UPK2: variants seen among roughly 807,000 people sequenced by gnomAD.
UPK2 encodes the protein uroplakin 2.
UPK2 carries 19 observed loss-of-function variants against 14.8 expected under a neutral mutation model. That is an observed-to-expected ratio of 1.29 (90% CI 0.90 to 1.89). UPK2 has a LOEUF of 1.89. Among genes scored for constraint, UPK2 ranks in the 40% most tolerant of loss-of-function variants. The probability of loss-of-function intolerance (pLI) is 0.00; values close to 1 mark genes in which losing one functional copy is unlikely to be tolerated. For synonymous variants in UPK2, 102 were observed against 101.6 expected, an observed-to-expected ratio of 1.00 and a Z score of -0.02; for missense variants, 232 against 236.0, an observed-to-expected ratio of 0.98 and a Z score of 0.11.
chr11:118,956,869 C>T lies in UPK2; in HGVS notation c.77-14C>T. On this transcript the variant is annotated splice_polypyrimidine_tract_variant and intron_variant, in intron 1 of 4. Transcript: ENST00000264031. The surrounding 1 kb of genome is among the most constrained non-coding windows in gnomAD (Gnocchi z 4.1). The stretch of plus-strand genomic sequence containing the variant: ...GGTCAGTCCCCATCGGAGCTCCCTC[C>T]TGCCTCCCATCAGACTTCAACATCT... The T allele has an allele frequency of 6.2e-7, 1 of 1,613,816 alleles. No homozygotes were observed. The highest frequency in any genetic ancestry group is 8.5e-7 in the Non-Finnish European group (1 of 1,179,924).
rs755718818 is a variant in UPK2 at position 118,956,441 on chromosome 11, T to C, written c.76+15T>C. ...AGGGGCTGCAGGTCTCTTCCATCTC[T>C]GGCAGGGGTGGGAAGGGGGCTGGGG... On this transcript the variant is annotated intron_variant, in intron 1 of 4. Coordinates refer to ENST00000264031, the MANE Select transcript of UPK2 (RefSeq NM_006760.4). The surrounding 1 kb of genome is among the most constrained non-coding windows in gnomAD (Gnocchi z 4.1). 6.5e-7 allele frequency: 1 copy of C among 1,546,480 alleles called. No individual in the cohort carries two copies. The highest frequency in any genetic ancestry group is 1.1e-5 in the South Asian group (1 of 89,816).
chr11:118,956,950 GC>G lies in UPK2; in HGVS notation c.150del (p.Cys51ValfsTer10), dbSNP rs750952264. The G allele has an allele frequency of 1.4e-5, 22 of 1,613,938 alleles. No homozygotes were observed. Among genetic ancestry groups the G allele is most frequent in the Middle Eastern group, 1.6e-4 (1 of 6,084 alleles). ...TAACGGAGAGCCTGCTGGTTGCCTT[GC>G]CCCCCTGTCACCTCACAGGAGGCAA... ...ALTESLLVALPPCHLTGGNAT... is the reference protein window; with the variant it reads ...ALTESLLVALXPCHLTGGNAT... On this transcript the variant is annotated frameshift_variant, in exon 2 of 5. Coordinates refer to ENST00000264031, the MANE Select transcript of UPK2 (RefSeq NM_006760.4). LOFTEE classifies it high-confidence loss of function. The surrounding 1 kb of genome is among the most constrained non-coding windows in gnomAD (Gnocchi z 4.1).
At chr11:118,957,035 G>T in intron 2 of UPK2, 21 bp downstream of exon 2, 1 of 1,613,492 alleles carries the variant, frequency 6.2e-7, no homozygotes, top group Non-Finnish European at 8.5e-7. Context: ...TTCTCCCAAG[G>T]CATCCCTCTA....
rs1941562300 is a variant in UPK2, at chr11:118,956,369, A to C, written c.19A>C (p.Ile7Leu). The change falls in exon 1 of 5, where the codon ATC becomes CTC. Residue 7 changes from isoleucine (I) to leucine (L), a missense_variant. Coordinates refer to ENST00000264031, the MANE Select transcript of UPK2 (RefSeq NM_006760.4). This position sits in a 1 kb window ranked among gnomAD's most constrained non-coding sequence, Gnocchi z 4.1. MAPLLP[I>L]RTLPLILILL... ...GCCCAGCATGGCACCCCTGCTGCCC[A>C]TCCGGACCTTGCCCTTGATCCTGAT... The C allele has an allele frequency of 6.2e-7, 1 of 1,611,608 alleles. No homozygotes were observed. Among genetic ancestry groups the C allele is most frequent in the African/African-American group, 1.3e-5 (1 of 75,004 alleles).
chr11:118,957,107 T>C, intron 2 of UPK2, 93 bp downstream of exon 2: 1 of 1,605,618 alleles, frequency 6.2e-7, no homozygotes, highest in Non-Finnish European at 8.5e-7. Context: ...TGCCTTCCTG[T>C]CCACCCGTCT....
rs774399174 is a variant in UPK2, at chr11:118,956,851, C to A, written c.77-32C>A. ...GATCTGTTGGCCAGGAGGGGTCAGTCCCCATCGGAGCTCCCTCCTGCCTCC... is the reference window on the plus strand; with the variant it reads ...GATCTGTTGGCCAGGAGGGGTCAGTACCCATCGGAGCTCCCTCCTGCCTCC... On this transcript the variant is annotated intron_variant, in intron 1 of 4. Coordinates refer to ENST00000264031, the MANE Select transcript of UPK2 (RefSeq NM_006760.4). This position sits in a 1 kb window ranked among gnomAD's most constrained non-coding sequence, Gnocchi z 4.1. 12 of 1,612,786 alleles carry A rather than the reference C, an allele frequency of 7.4e-6. No individual in the cohort carries two copies. The highest frequency in any genetic ancestry group is 1.0e-5 in the Non-Finnish European group (12 of 1,179,474).
Position 118,958,353 on chromosome 11 carries a change from G to A in UPK2, c.*120G>A. The A allele has an allele frequency of 8.4e-7, 1 of 1,197,336 alleles. No homozygotes were observed. Among genetic ancestry groups the A allele is most frequent in the Non-Finnish European group, 1.1e-6 (1 of 874,648 alleles). 74.2% of individuals were successfully genotyped at this position (1,197,336 alleles called of 1,614,324 possible). ...CTTGGTGCCCTCGCCTCCTCCTCCT[G>A]CCCTCCTCTCCCCTAGAGCCCTCTC... On this transcript the variant is annotated 3_prime_UTR_variant, in exon 5 of 5. Transcript: ENST00000264031. This position sits in a 1 kb window ranked among gnomAD's most constrained non-coding sequence, Gnocchi z 4.6.
chr11:118,957,846 T>G (rs1941577193), intron 4 of UPK2, among the ~76,000 whole-genome samples, 178 bp downstream of exon 4: 2 of 152,216 alleles, frequency 1.3e-5, no homozygotes, highest in Non-Finnish European at 2.9e-5. Flanking sequence ...AGCTAAAGGT[T>G]CCTCGTGGGC....
chr11:118,958,154 T>C lies in UPK2; in HGVS notation c.476T>C (p.Ile159Thr), dbSNP rs1384243957. The change falls in exon 5 of 5, where the codon ATC becomes ACC. Residue 159 changes from isoleucine to threonine, a missense_variant. Physicochemically the swap from Ile to Thr is moderately conservative, Grantham distance 89. Coordinates refer to ENST00000264031, the MANE Select transcript of UPK2 (RefSeq NM_006760.4). The surrounding 1 kb of genome is among the most constrained non-coding windows in gnomAD (Gnocchi z 4.6). ...GCCCGCACAGGGGGCATGGTGGTCATCACGGTGCTGCTCTCTGTCGCCATG... is the reference window on the plus strand; with the variant it reads ...GCCCGCACAGGGGGCATGGTGGTCACCACGGTGCTGCTCTCTGTCGCCATG... ...GMARTGGMVVITVLLSVAMFL... is the reference protein window; with the variant it reads ...GMARTGGMVVTTVLLSVAMFL... 6.2e-7 allele frequency: 1 copy of C among 1,614,058 alleles called. No homozygotes were observed. The highest frequency in any genetic ancestry group is 1.3e-5 in the African/African-American group (1 of 75,040).
rs756431588 is a variant in UPK2 at position 118,958,221 on chromosome 11, C to G, written c.543C>G (p.Gly181=). 6.2e-7 allele frequency: 1 copy of G among 1,613,338 alleles called. No individual in the cohort carries two copies. Among genetic ancestry groups the G allele is most frequent in the South Asian group, 1.1e-5 (1 of 91,066 alleles). The change falls in exon 5 of 5, where the codon GGC becomes GGG. Residue 181 remains glycine, a synonymous_variant. Coordinates refer to ENST00000264031, the MANE Select transcript of UPK2 (RefSeq NM_006760.4). The surrounding 1 kb of genome is among the most constrained non-coding windows in gnomAD (Gnocchi z 4.6). ...GCTTCATCATTGCCCTGGCACTGGG[C>G]TCCCGCAAGTAAGGAGGTCTGCCCG... ...VLGFIIALAL[G]SRK
At position 118,958,066 on chromosome 11, in the gene UPK2, G is replaced by T. The variant is rs372905994; in HGVS notation, c.419-31G>T. 3 of 1,593,728 alleles carry T rather than the reference G, an allele frequency of 1.9e-6. No homozygotes were observed. Among genetic ancestry groups the T allele is most frequent in the South Asian group, 2.2e-5 (2 of 88,908 alleles). ...CTCAGGCAGGCTGGGGGTCTCTCCC[G>T]CCCACAGTGGTCTCCCCTCTCTTTT... On this transcript the variant is annotated intron_variant, in intron 4 of 4. Transcript: ENST00000264031. The surrounding 1 kb of genome is among the most constrained non-coding windows in gnomAD (Gnocchi z 4.6).
intron 2 of UPK2, 96 bp from the exon 3 acceptor site, chr11:118,957,112 C>T: frequency 6.2e-7 from 1 of 1,605,978 alleles, no homozygotes; most frequent in Non-Finnish European, 8.5e-7. Flanking sequence ...TCCTGTCCAC[C>T]CGTCTCCTGG....
chr11:118,958,443 C>T lies in UPK2; in HGVS notation c.*210C>T. 1 of 542,074 alleles carries T rather than the reference C, an allele frequency of 1.8e-6. No individual in the cohort carries two copies. Among genetic ancestry groups the T allele is most frequent in the East Asian group, 2.9e-5 (1 of 34,582 alleles). 33.6% of individuals were successfully genotyped at this position (542,074 alleles called of 1,614,324 possible). The stretch of plus-strand genomic sequence containing the variant: ...CCAACACTCCATTATTCCTCTCACC[C>T]CACTCCTGTCAGAGTTGACTTTCCT... On this transcript the variant is annotated 3_prime_UTR_variant, in exon 5 of 5. Transcript: ENST00000264031. The surrounding 1 kb of genome is among the most constrained non-coding windows in gnomAD (Gnocchi z 4.6).
At chr11:118,957,481 G>T (rs1469187907) in intron 3 of UPK2, 117 bp from the exon 4 acceptor site, 1 of 1,543,792 alleles carries the variant, frequency 6.5e-7, no homozygotes, top group Non-Finnish European at 8.9e-7. Flanking sequence ...GGGCCTCTTG[G>T]AGGAGTGCAC....
rs1941573981 is a variant in UPK2, at chr11:118,957,613, G to C, written c.363G>C (p.Val121=). 1 of 1,614,140 alleles carries C rather than the reference G, an allele frequency of 6.2e-7. No homozygotes were observed. Among genetic ancestry groups the C allele is most frequent in the African/African-American group, 1.3e-5 (1 of 75,032 alleles). The change falls in exon 4 of 5, where the codon GTG becomes GTC. Residue 121 remains valine (V), a synonymous_variant. Coordinates refer to ENST00000264031, the MANE Select transcript of UPK2 (RefSeq NM_006760.4). ...ACCACAAAAGCATTTCCTACCTAGTGAAGAAGGGGACAGCCACTGAGTCCA... is the reference window on the plus strand; with the variant it reads ...ACCACAAAAGCATTTCCTACCTAGTCAAGAAGGGGACAGCCACTGAGTCCA... ...PGTKFYISYL[V]KKGTATESSR...
At position 118,957,752 on chromosome 11, in the gene UPK2, T is replaced by C. The variant is rs1048047034; in HGVS notation, c.418+84T>C. 1.3e-5 allele frequency: 20 copies of C among 1,547,400 alleles called. No individual in the cohort carries two copies. In the Admixed American group the frequency reaches 2.6e-4, roughly 20 times the overall value. On this transcript the variant is annotated intron_variant, in intron 4 of 4. Transcript: ENST00000264031. ...ATTCCTGCCTCATCCCCAGTCTGGGTTGCCTGTGCCTCCCCGTGCGCCCTC... is the reference window on the plus strand; with the variant it reads ...ATTCCTGCCTCATCCCCAGTCTGGGCTGCCTGTGCCTCCCCGTGCGCCCTC...
chr11:118,957,999 G>A (rs1941578400), intron 4 of UPK2, 98 bp from the exon 5 acceptor site: 2 of 1,504,300 alleles, frequency 1.3e-6, no homozygotes, highest in Non-Finnish European at 1.8e-6. Flanking sequence ...CTGGCTGGTT[G>A]GTTGGGCAGT....
chr11:118,958,495 A>C lies in UPK2; in HGVS notation c.*262A>C. 2 of 441,596 alleles carry C rather than the reference A, an allele frequency of 4.5e-6. No individual in the cohort carries two copies. The highest frequency in any genetic ancestry group is 8.2e-6 in the Non-Finnish European group (2 of 243,586). 27.4% of individuals were successfully genotyped at this position (441,596 alleles called of 1,614,324 possible). ...CCATTTTACCACTTTAAACACCCCC[A>C]TAACAATTCCCCCATCCTTCAGTGA... On this transcript the variant is annotated 3_prime_UTR_variant, in exon 5 of 5. Transcript: ENST00000264031. This position sits in a 1 kb window ranked among gnomAD's most constrained non-coding sequence, Gnocchi z 4.6.
At chr11:118,957,489 C>T (rs1941573133) in intron 3 of UPK2, 109 bp from the exon 4 acceptor site, 2 of 1,540,532 alleles carry the variant, frequency 1.3e-6, no homozygotes. Context: ...TGGAGGAGTG[C>T]ACATAGGGGA....
Sources: allele counts gnomAD v4.1 joint callset (sites outside exome capture counted in the v4.1 genomes callset), GRCh38; gene constraint gnomAD v4.1.1; non-coding constraint Gnocchi (gnomAD v3.1); transcripts MANE v1.5; gene names NCBI Gene and HGNC (gene_info 2026-07-23, HGNC 2026-07-21).